PAK1: variants seen among roughly 807,000 people sequenced by gnomAD.
PAK1 encodes p21 (RAC1) activated kinase 1.
In PAK1, 29 loss-of-function variants were observed where a neutral mutation model predicts 67.4. The ratio of observed to expected loss-of-function variants is 0.43; its 90% CI spans 0.32 to 0.59. The LOEUF (loss-of-function observed/expected upper bound fraction) is 0.59, where lower values mean the gene tolerates loss of function less well. Ranked by LOEUF, PAK1 falls within the 20% of genes least tolerant of loss-of-function variation. The probability of loss-of-function intolerance (pLI) is 0.07; values close to 1 mark genes in which losing one functional copy is unlikely to be tolerated. For synonymous variants in PAK1, 223 were observed against 237.4 expected (o/e 0.94, Z 0.56); for missense variants, 337 against 670.7 (o/e 0.50, Z 5.50).
At chr11:77,434,037 T>C (rs570339326) in intron 1 of PAK1, among the ~76,000 whole-genome samples, 1 of 152,188 alleles carries the variant, frequency 6.6e-6, no homozygotes, top group Non-Finnish European at 1.5e-5. Flanking sequence ...ACACTGCTGG[T>C]GGAAATGTAA....
At position 77,437,530 on chromosome 11, in the gene PAK1, T is replaced by G. The variant is rs769273170; in HGVS notation, c.-22+36022A>C. On this transcript the variant is annotated intron_variant, in intron 1 of 14. Transcript: ENST00000356341. ...ACAGACCACTGGTTCTCAACAAAAGTTGATTTTGCCTTCCAGGTGACATTT... is the reference window on the plus strand; with the variant it reads ...ACAGACCACTGGTTCTCAACAAAAGGTGATTTTGCCTTCCAGGTGACATTT... 3.9e-5 allele frequency among the ~76,000 whole-genome samples: 6 copies of G among 152,288 alleles called. No homozygotes were observed. The South Asian group carries it at 1.2e-3, about 32-fold the overall frequency.
intron 1 of PAK1, among the ~76,000 whole-genome samples, chr11:77,412,324 C>T (rs928996327): frequency 6.6e-6 from 1 of 152,120 alleles, no homozygotes. Context: ...ATACACCTCC[C>T]CCCTCCCCAA....
chr11:77,499,487 T>C, the PAK1 span, among the ~76,000 whole-genome samples: 1 of 152,200 alleles, frequency 6.6e-6, no homozygotes, highest in Non-Finnish European at 1.5e-5. Flanking sequence ...TGTTCCCTCA[T>C]CCTGGAATGC....
chr11:77,387,512 G>A (rs1249169716), intron 2 of PAK1, among the ~76,000 whole-genome samples: 1 of 152,216 alleles, frequency 6.6e-6, no homozygotes, highest in Non-Finnish European at 1.5e-5. Flanking sequence ...CTTTCCACTT[G>A]TGAGACCTTG....
intron 8 of PAK1, among the ~76,000 whole-genome samples, chr11:77,350,062 T>C (rs2136393396): frequency 6.6e-6 from 1 of 152,264 alleles, no homozygotes; most frequent in East Asian, 1.9e-4. Context: ...CTATAAAAAC[T>C]TGAAGAACCA....
chr11:77,459,951 C>G (rs1957257192), intron 1 of PAK1, among the ~76,000 whole-genome samples: 1 of 151,958 alleles, frequency 6.6e-6, no homozygotes, highest in South Asian at 2.1e-4. Flanking sequence ...CTGCCTAGGC[C>G]TCCCAAAGTG....
chr11:77,398,708 T>C (rs997798522), intron 1 of PAK1, among the ~76,000 whole-genome samples: 1 of 152,216 alleles, frequency 6.6e-6, no homozygotes, highest in African/African-American at 2.4e-5. Flanking sequence ...AGCTGTGGGA[T>C]TGCTGGATCA....
At chr11:77,367,276 T>A (rs1947730118) in intron 5 of PAK1, among the ~76,000 whole-genome samples, 1 of 152,178 alleles carries the variant, frequency 6.6e-6, no homozygotes, top group Non-Finnish European at 1.5e-5. Flanking sequence ...TATTGAATTG[T>A]CCACCACCAA....
At chr11:77,333,867 G>C (rs1942181576) in intron 13 of PAK1, among the ~76,000 whole-genome samples, 1 of 152,044 alleles carries the variant, frequency 6.6e-6, no homozygotes, top group Non-Finnish European at 1.5e-5. Context: ...AACATAAAAA[G>C]ATATGTCTAG....
chr11:77,403,646 T>C (rs1308178406), intron 1 of PAK1, among the ~76,000 whole-genome samples: 1 of 152,138 alleles, frequency 6.6e-6, no homozygotes, highest in Non-Finnish European at 1.5e-5. Flanking sequence ...CTTCCCTCCT[T>C]TTCCAAAATT....
intron 2 of PAK1, among the ~76,000 whole-genome samples, chr11:77,385,561 G>A (rs1170941547): frequency 6.6e-6 from 1 of 152,116 alleles, no homozygotes; most frequent in Non-Finnish European, 1.5e-5. Context: ...CTACAACGAT[G>A]TTAAGAATTC....
chr11:77,377,575 C>T (rs1949265802), intron 4 of PAK1, among the ~76,000 whole-genome samples: 1 of 152,150 alleles, frequency 6.6e-6, no homozygotes, highest in Non-Finnish European at 1.5e-5. Context: ...TATATTTATA[C>T]ATATGTTCGT....
the PAK1 span, among the ~76,000 whole-genome samples, chr11:77,492,541 CTTTTTT>C: frequency 2.8e-5 from 3 of 106,140 alleles, no homozygotes; most frequent in African/African-American, 9.9e-5. Context: ...TGAGGTGGGT[CTTTTTT>C]TTTTTTTTTT....
At chr11:77,474,107 G>C (rs1367794402), upstream of PAK1, 1 of 152,288 alleles carries the variant, frequency 6.6e-6, no homozygotes, top group Non-Finnish European at 1.5e-5. Flanking sequence ...CGCCCGGCAG[G>C]CCTGACCGCC....
At chr11:77,333,675 T>C (rs1195824413) in intron 13 of PAK1, among the ~76,000 whole-genome samples, 1 of 152,158 alleles carries the variant, frequency 6.6e-6, no homozygotes, top group African/African-American at 2.4e-5. Context: ...GTTGCCACCC[T>C]AGTCCCCTAA....
At chr11:77,395,954 C>A (rs1319534427) in intron 1 of PAK1, among the ~76,000 whole-genome samples, 7 of 152,196 alleles carry the variant, frequency 4.6e-5, no homozygotes, top group Non-Finnish European at 7.3e-5. Flanking sequence ...CTTCCCACTC[C>A]AGGCTGCCAG....
chr11:77,497,473 C>A, the PAK1 span, among the ~76,000 whole-genome samples: 1 of 152,214 alleles, frequency 6.6e-6, no homozygotes, highest in African/African-American at 2.4e-5. Flanking sequence ...GAAAGTGACT[C>A]ACTCAAAGTG....
intron 1 of PAK1, among the ~76,000 whole-genome samples, chr11:77,435,960 A>G (rs1474705271): frequency 6.6e-6 from 1 of 152,192 alleles, no homozygotes; most frequent in Non-Finnish European, 1.5e-5. Flanking sequence ...CAATGTTTAT[A>G]ATGAAGAGTA....
At position 77,392,453 on chromosome 11, in the gene PAK1, A is replaced by G; in HGVS notation, c.68T>C (p.Met23Thr). The stretch of plus-strand genomic sequence containing the variant: ...AGCATCTTTGCTGCCGGCTCCAATC[A>G]TAGTGCTGGTATTTCTCATCGGAGG... Reference protein sequence around the residue: ...PAPPMRNTSTMIGAGSKDAGT... With the variant: ...PAPPMRNTSTTIGAGSKDAGT... Residue 23 changes from methionine (M) to threonine (T), a missense_variant, in exon 2 of 15, where the codon ATG (methionine) becomes ACG (threonine). Met to Thr is a moderately conservative substitution (Grantham distance 81). Coordinates refer to ENST00000356341, the MANE Select transcript of PAK1 (RefSeq NM_002576.5). The G allele has an allele frequency of 7.4e-6, 12 of 1,614,126 alleles. No individual in the cohort carries two copies. The highest frequency in any genetic ancestry group is 1.0e-5 in the Non-Finnish European group (12 of 1,179,990).
Sources: allele counts gnomAD v4.1 joint callset (sites outside exome capture counted in the v4.1 genomes callset), GRCh38; gene constraint gnomAD v4.1.1; transcripts MANE v1.5; gene names NCBI Gene and HGNC (gene_info 2026-07-23, HGNC 2026-07-21).